TENM3: variants seen among roughly 807,000 people sequenced by gnomAD.
TENM3 encodes teneurin transmembrane protein 3, also known as teneurin-3.
Under a neutral mutation model 255.1 loss-of-function variants are expected in TENM3, and 63 were observed. The observed-to-expected ratio is 0.25, with a 90% confidence interval of 0.20 to 0.30. The LOEUF is 0.30. TENM3 is among the 10% of genes least tolerant of loss of function. The pLI is 1.00. For missense variants in TENM3, 2,929 were observed against 3,461.1 expected, an observed-to-expected ratio of 0.85 and a Z score of 3.86; for synonymous variants, 1,306 against 1,322.3, an observed-to-expected ratio of 0.99 and a Z score of 0.27.
At chr4:181,483,517 A>C in the TENM3 span, among the ~76,000 whole-genome samples, 1 of 152,170 alleles carries the variant, frequency 6.6e-6, no homozygotes, top group African/African-American at 2.4e-5. Context: ...CAAAGAATTG[A>C]AAACAAAAGA....
the TENM3 span, among the ~76,000 whole-genome samples, chr4:181,606,852 G>A: frequency 6.6e-6 from 1 of 152,054 alleles, no homozygotes; most frequent in Admixed American, 6.6e-5. Context: ...CTCTTACTGT[G>A]GCTAGGGAGT....
chr4:182,485,698 T>G (rs1211587527), intron 3 of TENM3, among the ~76,000 whole-genome samples: 1 of 152,192 alleles, frequency 6.6e-6, no homozygotes, highest in Non-Finnish European at 1.5e-5. Flanking sequence ...AACTAAAATC[T>G]GAAAAACCAG....
intron 3 of TENM3, among the ~76,000 whole-genome samples, chr4:182,451,283 T>C (rs1453610808): frequency 1.3e-5 from 2 of 152,186 alleles, no homozygotes; most frequent in African/African-American, 4.8e-5. Flanking sequence ...ATAATAGAAT[T>C]TAATTCTTCT....
chr4:181,547,120 A>C, the TENM3 span, among the ~76,000 whole-genome samples: 5 of 152,314 alleles, frequency 3.3e-5, no homozygotes, highest in African/African-American at 1.2e-4. Flanking sequence ...TTCATGTGAA[A>C]GGCAGAAAAG....
the TENM3 span, among the ~76,000 whole-genome samples, chr4:182,121,092 G>A: frequency 5.3e-5 from 8 of 151,912 alleles, no homozygotes; most frequent in Non-Finnish European, 8.8e-5. Flanking sequence ...TCCGCCCTCC[G>A]GGTTCAAGTG....
At chr4:181,680,072 G>A in the TENM3 span, among the ~76,000 whole-genome samples, 2 of 152,128 alleles carry the variant, frequency 1.3e-5, no homozygotes, top group Non-Finnish European at 2.9e-5. Flanking sequence ...ACAGCTTGCT[G>A]CCACACTGTG....
chr4:181,872,658 T>G, the TENM3 span, among the ~76,000 whole-genome samples: 1 of 152,352 alleles, frequency 6.6e-6, no homozygotes, highest in Non-Finnish European at 1.5e-5. Flanking sequence ...CTCTTTCATT[T>G]TTTGATATTG....
chr4:182,453,720 G>A (rs1773658820), intron 3 of TENM3, among the ~76,000 whole-genome samples: 1 of 152,070 alleles, frequency 6.6e-6, no homozygotes, highest in African/African-American at 2.4e-5. Flanking sequence ...GAGAGATGGG[G>A]CCTGCTGTCT....
At chr4:182,582,857 T>C (rs1039292626) in intron 3 of TENM3, among the ~76,000 whole-genome samples, 6 of 152,210 alleles carry the variant, frequency 3.9e-5, no homozygotes, top group South Asian at 2.1e-4. Context: ...AGGCAAGCTC[T>C]TCCTTACAGA....
intron 3 of TENM3, among the ~76,000 whole-genome samples, chr4:182,433,758 A>G (rs1771837210): frequency 6.6e-6 from 1 of 152,224 alleles, no homozygotes; most frequent in South Asian, 2.1e-4. Flanking sequence ...GTGTGAATAC[A>G]GAGGCCATGT....
At chr4:182,645,532 T>C (rs1752666966) in intron 5 of TENM3, among the ~76,000 whole-genome samples, 2 of 152,164 alleles carry the variant, frequency 1.3e-5, no homozygotes, top group Admixed American at 6.5e-5. Flanking sequence ...AGTTTGTAAT[T>C]GCAACTGGGC....
At chr4:182,757,154 T>C (rs1291173478) in intron 22 of TENM3, among the ~76,000 whole-genome samples, 2 of 151,634 alleles carry the variant, frequency 1.3e-5, no homozygotes, top group South Asian at 4.2e-4. Context: ...CTACTAAAAA[T>C]ACAAAAAATT....
At chr4:182,093,477 G>A in the TENM3 span, among the ~76,000 whole-genome samples, 1 of 152,112 alleles carries the variant, frequency 6.6e-6, no homozygotes. Flanking sequence ...CAAGTAGGTG[G>A]GGACAAACCA....
intron 19 of TENM3, 82 bp downstream of exon 19, chr4:182,743,501 T>C: frequency 6.8e-7 from 1 of 1,467,110 alleles, no homozygotes; most frequent in Non-Finnish European, 9.4e-7. Context: ...TGTACTGATT[T>C]ATTCATAGAA....
chr4:182,755,852 A>AT (rs1762709465), intron 22 of TENM3, among the ~76,000 whole-genome samples: 1 of 152,148 alleles, frequency 6.6e-6, no homozygotes, highest in Non-Finnish European at 1.5e-5. Flanking sequence ...AAAAAAAAAA[A>AT]GATACCTCTT....
At chr4:181,848,417 T>A in the TENM3 span, among the ~76,000 whole-genome samples, 1 of 152,154 alleles carries the variant, frequency 6.6e-6, no homozygotes, top group Admixed American at 6.5e-5. Context: ...CACGAGCTCT[T>A]CTAGAAATGT....
At chr4:181,753,929 G>C in the TENM3 span, among the ~76,000 whole-genome samples, 4 of 152,234 alleles carry the variant, frequency 2.6e-5, no homozygotes, top group South Asian at 6.2e-4. Context: ...AGGCAACACT[G>C]GGGGGAGTTA....
chr4:182,781,497 A>G (rs1470392484), intron 24 of TENM3, among the ~76,000 whole-genome samples: 2 of 151,936 alleles, frequency 1.3e-5, no homozygotes, highest in South Asian at 4.2e-4. Flanking sequence ...ATGTTCATCA[A>G]GGATATTGGT....
At chr4:182,154,942 G>A (rs1259453321) in intron 1 of TENM3, among the ~76,000 whole-genome samples, 1 of 152,126 alleles carries the variant, frequency 6.6e-6, no homozygotes, top group East Asian at 1.9e-4. Flanking sequence ...TGTTTGCACA[G>A]CATAAGAGTC....
Sources: gnomAD v4.1 joint callset for allele counts (sites outside exome capture counted in the v4.1 genomes callset) on GRCh38, gnomAD v4.1.1 for gene constraint, MANE v1.5 for transcripts, NCBI Gene and HGNC (gene_info 2026-07-23, HGNC 2026-07-21) for gene names.